MYO5C: variants seen among roughly 807,000 people sequenced by gnomAD.
MYO5C encodes unconventional myosin-Vc.
Under a neutral mutation model 235.7 loss-of-function variants are expected in MYO5C, and 194 were observed. That is an observed-to-expected ratio of 0.82 (90% confidence interval 0.73 to 0.93). The LOEUF is 0.93. Among genes scored for constraint, MYO5C ranks in the 40% least tolerant of loss-of-function variants. The probability of loss-of-function intolerance (pLI) is 0.00; values close to 1 mark genes in which losing one functional copy is unlikely to be tolerated. For missense variants in MYO5C, 2,038 were observed against 2,127.2 expected (o/e 0.96, Z 0.82); for synonymous variants, 707 against 754.8 (o/e 0.94, Z 1.04).
In MYO5C at chr15:52,246,970, C is replaced by T. The variant is rs750001738; in HGVS notation, c.1926G>A (p.Thr642=). 23 of 1,614,032 alleles carry T rather than the reference C, an allele frequency of 1.4e-5. No homozygotes were observed. The highest frequency in any genetic ancestry group is 3.3e-5 in the Admixed American group (2 of 60,000). The change falls in exon 16 of 41, where the codon ACG becomes ACA. Residue 642 remains threonine (T), a synonymous_variant. Coordinates refer to ENST00000261839, the MANE Select transcript of MYO5C (RefSeq NM_018728.4). ...TGATGCATCGAACGTAGTGGGGCGT[C>T]GTCGCATTGAGGGTCTCCATGAGCA... ...LYLLMETLNA[T]TPHYVRCIKP... is the part of the protein sequence containing the mutation.
chr15:52,226,582 C>T (rs1315050119), intron 25 of MYO5C, among the ~76,000 whole-genome samples: 1 of 152,140 alleles, frequency 6.6e-6, no homozygotes, highest in East Asian at 1.9e-4. Flanking sequence ...GAGCACTTTA[C>T]CTAGAAGACC....
chr15:52,215,761 T>C (rs939607879), intron 32 of MYO5C, among the ~76,000 whole-genome samples: 3 of 152,252 alleles, frequency 2.0e-5, no homozygotes, highest in Non-Finnish European at 4.4e-5. Context: ...GTACATTTTA[T>C]AAAATTGGGA....
At chr15:52,207,706 T>C (rs749223086) in intron 36 of MYO5C, among the ~76,000 whole-genome samples, 9 of 152,150 alleles carry the variant, frequency 5.9e-5, no homozygotes, top group Non-Finnish European at 1.3e-4. Flanking sequence ...AAAAACTGTG[T>C]GACAAGGGAC....
At chr15:52,250,401 C>T (rs1322770335) in intron 13 of MYO5C, among the ~76,000 whole-genome samples, 3 of 151,900 alleles carry the variant, frequency 2.0e-5, no homozygotes, top group African/African-American at 7.3e-5. Flanking sequence ...TGCCACCACG[C>T]CTGGCTTATT....
chr15:52,242,255 G>A, intron 19 of MYO5C, 42 bp from the exon 20 acceptor site: 1 of 1,571,782 alleles, frequency 6.4e-7, no homozygotes, highest in Non-Finnish European at 8.6e-7. Context: ...TACCCACAGA[G>A]CATCAACTTC....
intron 22 of MYO5C, chr15:52,236,855 T>C (rs541027440): frequency 6.6e-6 from 1 of 152,228 alleles, no homozygotes; most frequent in Non-Finnish European, 1.5e-5. Flanking sequence ...TCATTTTATA[T>C]AGGAGGAAAC....
At chr15:52,290,249 T>G (rs976135524) in intron 1 of MYO5C, among the ~76,000 whole-genome samples, 3 of 152,202 alleles carry the variant, frequency 2.0e-5, no homozygotes, top group African/African-American at 7.2e-5. Context: ...GTGGTTCAGT[T>G]GCACCAATTA....
Position 52,247,516 on chromosome 15 carries a change from GA to G in MYO5C, c.1822del (p.Ser608LeufsTer69), listed in dbSNP as rs1202356032. The G allele has an allele frequency of 6.2e-7, 1 of 1,614,172 alleles. No homozygotes were observed. Among genetic ancestry groups the G allele is most frequent in the Non-Finnish European group, 8.5e-7 (1 of 1,180,012 alleles). ...SPFGSMITVK[S>X]AKQVIKPNSK... ...GTTTGGCTTGATGACTTGCTTTGCA[GA>G]TTTAACTGTAATCATTGAACCAAAA... On this transcript the variant is annotated frameshift_variant, in exon 15 of 41. Transcript: ENST00000261839. LOFTEE classifies it high-confidence loss of function.
chr15:52,225,569 A>G (rs1486399656), intron 25 of MYO5C, 37 bp from the exon 26 acceptor site: 1 of 1,406,976 alleles, frequency 7.1e-7, no homozygotes, highest in South Asian at 1.2e-5. Context: ...GTAAAGAAAA[A>G]ACAACGATTA....
At chr15:52,221,067 G>C (rs1372857366) in intron 30 of MYO5C, 95 bp downstream of exon 30, 4 of 927,864 alleles carry the variant, frequency 4.3e-6, no homozygotes, top group Admixed American at 2.4e-5. Context: ...TAGAGAACCA[G>C]AGTTTAAAAG....
chr15:52,213,772 T>G (rs561575531), intron 33 of MYO5C, among the ~76,000 whole-genome samples: 2 of 152,206 alleles, frequency 1.3e-5, no homozygotes, highest in Admixed American at 6.5e-5. Flanking sequence ...AGGTCAGAAG[T>G]CTGAAAGGTG....
At chr15:52,266,938 C>T (rs1402288382) in intron 8 of MYO5C, among the ~76,000 whole-genome samples, 1 of 152,160 alleles carries the variant, frequency 6.6e-6, no homozygotes, top group African/African-American at 2.4e-5. Context: ...ACCATTAATG[C>T]CTTGAGAGGA....
In MYO5C at chr15:52,242,037, G is replaced by A. The variant is rs756854120; in HGVS notation, c.2556+11C>T. ...ACACCCTCCCTTCCTCTAGACAGAG[G>A]TTGGCCTCACCTTTCGATACCTCCT... On this transcript the variant is annotated intron_variant, in intron 20 of 40. Coordinates refer to ENST00000261839, the MANE Select transcript of MYO5C (RefSeq NM_018728.4). 6.8e-5 allele frequency: 109 copies of A among 1,604,724 alleles called. 1 individual carries two copies. The South Asian group carries it at 1.0e-3, about 15-fold the overall frequency.
At chr15:52,261,711 C>G (rs1343588203) in intron 9 of MYO5C, among the ~76,000 whole-genome samples, 1 of 152,212 alleles carries the variant, frequency 6.6e-6, no homozygotes, top group Non-Finnish European at 1.5e-5. Flanking sequence ...GCTTCTCCCC[C>G]AAGCCAGGGC....
intron 1 of MYO5C, among the ~76,000 whole-genome samples, chr15:52,285,679 C>T (rs182747477): frequency 0.011 from 1,646 of 152,344 alleles, 30 homozygotes; most frequent in African/African-American, 0.038. Flanking sequence ...CTGTGTTGGC[C>T]GGGCTGGTCT....
At position 52,282,810 on chromosome 15, in the gene MYO5C, A is replaced by G. The variant is rs1480776133; in HGVS notation, c.110T>C (p.Val37Ala). ...TCCATCCTCCAGCAGGAGTCGCAGG[A>G]CCTTGTCACCAACTCTGTAGTCCTT... is the stretch of plus-strand genomic sequence containing the variant. ...IAKDYRVGDK[V>A]LRLLLEDGTE... The change falls in exon 2 of 41, where the codon GTC becomes GCC. Residue 37 changes from valine to alanine, a missense_variant. Val to Ala is a moderately conservative substitution (Grantham distance 64, BLOSUM62 0). Transcript: ENST00000261839. 6.2e-7 allele frequency: 1 copy of G among 1,613,254 alleles called. No homozygotes were observed. The highest frequency in any genetic ancestry group is 1.3e-5 in the African/African-American group (1 of 74,916).
chr15:52,224,049 G>A (rs148696777), intron 28 of MYO5C, among the ~76,000 whole-genome samples: 28 of 152,298 alleles, frequency 1.8e-4, no homozygotes, highest in African/African-American at 5.1e-4. Flanking sequence ...TTGGGAGGCC[G>A]AGGTGGGCGG....
intron 38 of MYO5C, among the ~76,000 whole-genome samples, chr15:52,198,930 G>C (rs1460130422): frequency 6.6e-6 from 1 of 151,118 alleles, no homozygotes; most frequent in African/African-American, 2.4e-5. Context: ...GTCTCGCTCT[G>C]TTGCCCAGGC....
chr15:52,211,388 T>C (rs1267792286), intron 35 of MYO5C, among the ~76,000 whole-genome samples: 1 of 152,132 alleles, frequency 6.6e-6, no homozygotes, highest in Non-Finnish European at 1.5e-5. Context: ...AGGGAAGAGA[T>C]GAATAATTTT....
Sources: allele counts gnomAD v4.1 joint callset (sites outside exome capture counted in the v4.1 genomes callset), GRCh38; gene constraint gnomAD v4.1.1; transcripts MANE v1.5; gene names NCBI Gene and HGNC (gene_info 2026-07-23, HGNC 2026-07-21).